ADAM22: variants seen among roughly 807,000 people sequenced by gnomAD.
The protein encoded by ADAM22 is ADAM metallopeptidase domain 22, also known as disintegrin and metalloproteinase domain-containing protein 22.
ADAM22 carries 65 observed loss-of-function variants against 144.6 expected under a neutral mutation model. The observed-to-expected ratio is 0.45, with a 90% CI of 0.37 to 0.55. ADAM22 has a LOEUF of 0.55. ADAM22 is among the 20% of genes least tolerant of loss of function. The pLI is 0.00. For missense variants in ADAM22, 974 were observed against 1,184.9 expected (o/e 0.82, Z 2.61); for synonymous variants, 391 against 412.6 (o/e 0.95, Z 0.63).
chr7:87,947,990 C>T (rs1011384700), intron 2 of ADAM22, among the ~76,000 whole-genome samples: 5 of 152,068 alleles, frequency 3.3e-5, no homozygotes, highest in Non-Finnish European at 7.4e-5. Flanking sequence ...ATTAATGCTC[C>T]CATACCCCCA....
chr7:88,184,249 A>AT, intron 29 of ADAM22: 3 of 281,314 alleles, frequency 1.1e-5, no homozygotes, highest in South Asian at 2.7e-5. Flanking sequence ...ATGTAAAAAC[A>AT]TTTTTTGGCT....
Position 88,148,398 on chromosome 7 carries a change from A to T in ADAM22, c.1486-579A>T, listed in dbSNP as rs542944695. On this transcript the variant is annotated intron_variant, in intron 17 of 31. Transcript: ENST00000413139. ...TTGTATAACTCTCACACTTGCAAGA[A>T]GTATTTGAGATGATGGAAAACAGAA... Among the ~76,000 whole-genome samples, 11 of 152,314 alleles carry T rather than the reference A, an allele frequency of 7.2e-5. No individual in the cohort carries two copies. In the South Asian group the frequency reaches 2.3e-3, roughly 32 times the overall value.
At chr7:88,024,230 G>A (rs1365743129) in intron 3 of ADAM22, among the ~76,000 whole-genome samples, 1 of 152,048 alleles carries the variant, frequency 6.6e-6, no homozygotes, top group African/African-American at 2.4e-5. Flanking sequence ...GGATCATATG[G>A]TAGCTCTATT....
chr7:88,077,997 G>C (rs1449632748), intron 4 of ADAM22, among the ~76,000 whole-genome samples: 1 of 152,188 alleles, frequency 6.6e-6, no homozygotes, highest in Non-Finnish European at 1.5e-5. Context: ...AGACAGTAGT[G>C]GTTCTCCTAG....
intron 2 of ADAM22, among the ~76,000 whole-genome samples, chr7:87,961,340 G>T (rs1049867866): frequency 1.3e-5 from 2 of 152,104 alleles, no homozygotes; most frequent in Non-Finnish European, 2.9e-5. Context: ...AAACTGTTCT[G>T]GGAGGAAATA....
chr7:87,992,506 T>G (rs537566008), intron 3 of ADAM22, among the ~76,000 whole-genome samples: 1 of 152,348 alleles, frequency 6.6e-6, no homozygotes, highest in East Asian at 1.9e-4. Context: ...GAAGTTTGAT[T>G]AATCATGAAA....
intron 4 of ADAM22, among the ~76,000 whole-genome samples, chr7:88,082,009 A>G (rs965314941): frequency 1.3e-5 from 2 of 152,176 alleles, no homozygotes; most frequent in African/African-American, 4.8e-5. Flanking sequence ...TATGGAACCA[A>G]AAAGAACCCA....
intron 4 of ADAM22, among the ~76,000 whole-genome samples, chr7:88,091,538 G>A (rs779072523): frequency 3.4e-4 from 52 of 152,104 alleles, no homozygotes; most frequent in Non-Finnish European, 6.2e-4. Flanking sequence ...GCAAATACTT[G>A]TATGGTATTT....
chr7:87,959,800 C>T (rs1847638674), intron 2 of ADAM22, among the ~76,000 whole-genome samples: 1 of 152,054 alleles, frequency 6.6e-6, no homozygotes, highest in African/African-American at 2.4e-5. Context: ...TGTATGGCAA[C>T]AATACTGATT....
intron 4 of ADAM22, among the ~76,000 whole-genome samples, chr7:88,103,636 A>G (rs1170240090): frequency 6.6e-6 from 1 of 152,150 alleles, no homozygotes; most frequent in Non-Finnish European, 1.5e-5. Flanking sequence ...AACAAAAGAG[A>G]CAATAAGGAA....
At chr7:87,963,607 TAC>T (rs1338123472) in intron 2 of ADAM22, among the ~76,000 whole-genome samples, 1 of 152,128 alleles carries the variant, frequency 6.6e-6, no homozygotes. Context: ...AGGCAAGAAT[TAC>T]AGAGTCCGAT....
chr7:88,015,765 A>T (rs1028180061), intron 3 of ADAM22, among the ~76,000 whole-genome samples: 2 of 152,162 alleles, frequency 1.3e-5, no homozygotes, highest in African/African-American at 4.8e-5. Flanking sequence ...TTGTTCTTTT[A>T]TTACTAATTT....
chr7:88,145,282 C>G (rs1408090751), intron 16 of ADAM22, 86 bp downstream of exon 16: 1 of 1,509,596 alleles, frequency 6.6e-7, no homozygotes, highest in African/African-American at 1.4e-5. Flanking sequence ...GAGCAAATGT[C>G]ATGCCTGGAA....
At chr7:87,982,469 G>C (rs76604928) in intron 3 of ADAM22, among the ~76,000 whole-genome samples, 1 of 151,406 alleles carries the variant, frequency 6.6e-6, no homozygotes, top group Non-Finnish European at 1.5e-5. Context: ...TGGCTAAGGA[G>C]GTTGGCACAG....
intron 4 of ADAM22, among the ~76,000 whole-genome samples, chr7:88,091,796 A>C (rs950113411): frequency 6.6e-6 from 1 of 152,220 alleles, no homozygotes; most frequent in East Asian, 1.9e-4. Context: ...TATTTTAATT[A>C]CAGCCCTTCT....
chr7:88,002,460 A>G (rs1336051069), intron 3 of ADAM22, among the ~76,000 whole-genome samples: 1 of 152,204 alleles, frequency 6.6e-6, no homozygotes, highest in Non-Finnish European at 1.5e-5. Context: ...GCTGAATGTG[A>G]GGGAGGGGTG....
chr7:88,008,953 A>G (rs550063408), intron 3 of ADAM22, among the ~76,000 whole-genome samples: 1 of 152,228 alleles, frequency 6.6e-6, no homozygotes, highest in South Asian at 2.1e-4. Flanking sequence ...CACTGTCTAT[A>G]CTGAGAATAT....
intron 13 of ADAM22, 117 bp from the exon 14 acceptor site, chr7:88,135,858 AGTTAC>A: frequency 1.5e-6 from 1 of 684,494 alleles, no homozygotes; most frequent in Non-Finnish European, 2.3e-6. Context: ...ATTAGAAAGA[AGTTAC>A]TACTTTTTAA....
intron 2 of ADAM22, chr7:87,964,706 A>C (rs969740395): frequency 2.6e-6 from 1 of 378,704 alleles, no homozygotes; most frequent in African/African-American, 2.2e-5. Flanking sequence ...CCTATAACAA[A>C]AATTTTCATT....
Sources: gnomAD v4.1 joint callset for allele counts (sites outside exome capture counted in the v4.1 genomes callset) on GRCh38, gnomAD v4.1.1 for gene constraint, MANE v1.5 for transcripts, NCBI Gene and HGNC (gene_info 2026-07-23, HGNC 2026-07-21) for gene names.